Variants in HIF1AN observed in about 807,000 individuals in gnomAD.
The protein encoded by HIF1AN is hypoxia inducible factor 1 subunit alpha inhibitor.
Under a neutral mutation model 47.7 loss-of-function variants are expected in HIF1AN, and 21 were observed. That is an observed-to-expected ratio of 0.44 (90% CI 0.31 to 0.63). The LOEUF is 0.63. HIF1AN is among the 30% of genes least tolerant of loss of function. The probability of loss-of-function intolerance (pLI) is 0.07; values close to 1 mark genes in which losing one functional copy is unlikely to be tolerated. For missense variants in HIF1AN, 320 were observed against 432.7 expected (o/e 0.74, Z 2.31); for synonymous variants, 152 against 155.9 (o/e 0.98, Z 0.18).
At chr10:100,544,251 C>G (rs999985368) in intron 3 of HIF1AN, among the ~76,000 whole-genome samples, 1 of 152,244 alleles carries the variant, frequency 6.6e-6, no homozygotes, top group Non-Finnish European at 1.5e-5. Context: ...ATGAAAATCA[C>G]TTGCACCAGT....
rs764531450 is a variant in HIF1AN, at chr10:100,536,590, C to T, written c.357C>T (p.Asn119=). 2.5e-6 allele frequency: 4 copies of T among 1,614,148 alleles called. No homozygotes were observed. Among genetic ancestry groups the T allele is most frequent in the Non-Finnish European group, 3.4e-6 (4 of 1,180,026 alleles). The part of the protein sequence containing the change: ...ANFQNFKPRS[N]REEMKFHEFV... ...TCCAGAACTTTAAGCCGAGGTCCAA[C>T]AGGGAAGAAATGAAATTTCATGAGT... is the stretch of plus-strand genomic sequence containing the variant. The change falls in exon 2 of 8, where the codon AAC becomes AAT. Residue 119 remains asparagine (N), a synonymous_variant. Transcript: ENST00000299163.
chr10:100,546,160 A>C, intron 5 of HIF1AN, 111 bp downstream of exon 5: 1 of 790,288 alleles, frequency 1.3e-6, no homozygotes, highest in Non-Finnish European at 2.1e-6. Flanking sequence ...TATGTGGTCT[A>C]TAGGAAGGTT....
chr10:100,537,143 CGTG>C (rs1221207999), intron 2 of HIF1AN, among the ~76,000 whole-genome samples: 1 of 152,012 alleles, frequency 6.6e-6, no homozygotes, highest in Admixed American at 6.6e-5. Context: ...GCCTGGGAAA[CGTG>C]GTGAGAGCTA....
chr10:100,540,868 C>A, intron 3 of HIF1AN, 86 bp downstream of exon 3: 2 of 1,219,678 alleles, frequency 1.6e-6, no homozygotes, highest in Non-Finnish European at 1.1e-6. Context: ...AGCTCCATGA[C>A]TTTGAACAAG....
Position 100,546,568 on chromosome 10 carries a change from A to G in HIF1AN, c.881A>G (p.Asn294Ser). 6.2e-7 allele frequency: 1 copy of G among 1,613,376 alleles called. No homozygotes were observed. The highest frequency in any genetic ancestry group is 8.5e-7 in the Non-Finnish European group (1 of 1,179,650). Residue 294 changes from asparagine (N) to serine (S), a missense_variant, in exon 6 of 8, where the codon AAC becomes AGC. By Grantham distance (46) the Asn-to-Ser change is conservative. Transcript: ENST00000299163. ...LLNGGITITVNFWYKGAPTPK... is the reference protein window; with the variant it reads ...LLNGGITITVSFWYKGAPTPK... ...AATGGGGGGATTACCATCACTGTGA[A>G]CTTCTGGTATAAGGTGAATATGGTT... is the stretch of plus-strand genomic sequence containing the variant.
At position 100,536,108 on chromosome 10, in the gene HIF1AN, C is replaced by T. The variant is rs1449454449; in HGVS notation, c.150C>T (p.Pro50=). 1.2e-6 allele frequency: 2 copies of T among 1,606,794 alleles called. No homozygotes were observed. Among genetic ancestry groups the T allele is most frequent in the Non-Finnish European group, 8.5e-7 (1 of 1,176,740 alleles). Residue 50 remains proline (P), a synonymous_variant, in exon 1 of 8, where the codon CCC becomes CCT. Transcript: ENST00000299163. ...TTCCGCGTCTGAGTCAGAGCGACCC[C>T]CGGGCAGAGGAGCTTATTGAGAATG... ...RPIPRLSQSD[P]RAEELIENEE... is the part of the protein sequence containing the mutation.
chr10:100,542,145 TA>T (rs1292633290), intron 3 of HIF1AN, among the ~76,000 whole-genome samples: 1 of 151,258 alleles, frequency 6.6e-6, no homozygotes, highest in African/African-American at 2.4e-5. Context: ...AAAAAAAAGA[TA>T]AAAAACGGTA....
At chr10:100,538,905 C>CTTT (rs371921651) in intron 2 of HIF1AN, among the ~76,000 whole-genome samples, 4 of 112,786 alleles carry the variant, frequency 3.5e-5, no homozygotes, top group Non-Finnish European at 5.6e-5. Context: ...TTGAACCTTT[C>CTTT]TTTTTTTTTT....
intron 3 of HIF1AN, among the ~76,000 whole-genome samples, chr10:100,543,018 T>C (rs1843058434): frequency 6.6e-6 from 1 of 152,068 alleles, no homozygotes; most frequent in Non-Finnish European, 1.5e-5. Context: ...GTGAATAACC[T>C]GGGTTGAACA....
At chr10:100,541,586 C>T (rs548808487) in intron 3 of HIF1AN, among the ~76,000 whole-genome samples, 5 of 151,686 alleles carry the variant, frequency 3.3e-5, no homozygotes, top group African/African-American at 1.2e-4. Context: ...CTGCAACCTC[C>T]GCCTCCCGTG....
At position 100,540,814 on chromosome 10, in the gene HIF1AN, G is replaced by A. The variant is rs377445548; in HGVS notation, c.577+32G>A. ...AATCTTTCAAAAGCAGCATGGCTTGGAGTCATATGAACCTGATTTCTAATC... is the reference window on the plus strand; with the variant it reads ...AATCTTTCAAAAGCAGCATGGCTTGAAGTCATATGAACCTGATTTCTAATC... On this transcript the variant is annotated intron_variant, in intron 3 of 7. Transcript: ENST00000299163. 32 of 1,577,072 alleles carry A rather than the reference G, an allele frequency of 2.0e-5. No homozygotes were observed. In the African/African-American group the frequency reaches 4.0e-4, roughly 20 times the overall value.
intron 2 of HIF1AN, 84 bp downstream of exon 2, chr10:100,536,745 G>A (rs1589750221): frequency 6.7e-7 from 1 of 1,488,266 alleles, no homozygotes; most frequent in South Asian, 1.2e-5. Flanking sequence ...TGGCAGAATT[G>A]GGTCAATTAG....
rs928224601 is a variant in HIF1AN, at chr10:100,536,724, G to T, written c.428+63G>T. The T allele has an allele frequency of 1.2e-5, 19 of 1,574,668 alleles. No individual in the cohort carries two copies. In the South Asian group the frequency reaches 2.0e-4, roughly 16 times the overall value. Reference sequence around the variant, plus strand: ...ACACTCATTTTTCTTTCCTATACTTGTTTGAAGGTGTGGCAGAATTGGGTC... The same window carrying T: ...ACACTCATTTTTCTTTCCTATACTTTTTTGAAGGTGTGGCAGAATTGGGTC... On this transcript the variant is annotated intron_variant, in intron 2 of 7. Coordinates refer to ENST00000299163, the MANE Select transcript of HIF1AN (RefSeq NM_017902.3).
intron 2 of HIF1AN, among the ~76,000 whole-genome samples, chr10:100,536,953 A>T (rs1852231533): frequency 6.6e-6 from 1 of 152,196 alleles, no homozygotes; most frequent in Non-Finnish European, 1.5e-5. Context: ...GTTGCCTAGA[A>T]GGGTCAGGCA....
At position 100,540,702 on chromosome 10, in the gene HIF1AN, A is replaced by G; in HGVS notation, c.497A>G (p.Asn166Ser). Reference sequence around the variant, plus strand: ...ATTGTCATGGACTTCTTAGGTTTTAACTGGAACTGGATTAATAAGCAACAG... The same window carrying G: ...ATTGTCATGGACTTCTTAGGTTTTAGCTGGAACTGGATTAATAAGCAACAG... ...RKIVMDFLGF[N>S]WNWINKQQGK... Residue 166 changes from asparagine to serine, a missense_variant, in exon 3 of 8, where the codon AAC (asparagine) becomes AGC (serine). Transcript: ENST00000299163. 6.2e-7 allele frequency: 1 copy of G among 1,613,916 alleles called. No individual in the cohort carries two copies. The highest frequency in any genetic ancestry group is 8.5e-7 in the Non-Finnish European group (1 of 1,179,904).
rs1843127571 is a variant in HIF1AN, at chr10:100,549,061, CGTGCGTGT to C, written c.*928_*935del. 1 of 136,416 alleles carries C rather than the reference CGTGCGTGT, an allele frequency of 7.3e-6. No individual in the cohort carries two copies. The highest frequency in any genetic ancestry group is 2.6e-5 in the African/African-American group (1 of 37,970). 8.5% of individuals were successfully genotyped at this position (136,416 alleles called of 1,614,324 possible). ...GCCTCTGGGTGTGTGTGTGTGTGTG[CGTGCGTGT>C]GTGTGTGTGTGTCCGTGTGTGTGTG... On this transcript the variant is annotated 3_prime_UTR_variant, in exon 8 of 8. Transcript: ENST00000299163.
rs745645333 is a variant in HIF1AN at position 100,536,063 on chromosome 10, T to C, written c.105T>C (p.Tyr35=). 4.3e-6 allele frequency: 7 copies of C among 1,612,542 alleles called. No individual in the cohort carries two copies. In the Admixed American group the frequency reaches 8.3e-5, roughly 19 times the overall value. Residue 35 remains tyrosine (Y), a synonymous_variant, in exon 1 of 8, where the codon TAT becomes TAC. Transcript: ENST00000299163. ...GGGATGAATCCCAGTTGCGCAGTTA[T>C]AGCTTCCCGACTAGGCCCATTCCGC... ...PAWDESQLRS[Y]SFPTRPIPRL...
chr10:100,545,013 A>AAACG lies in HIF1AN; in HGVS notation c.642_645dup (p.Cys216ThrfsTer23). On this transcript the variant is annotated frameshift_variant, in exon 4 of 8. Coordinates refer to ENST00000299163, the MANE Select transcript of HIF1AN (RefSeq NM_017902.3). LOFTEE classifies it high-confidence loss of function. The stretch of plus-strand genomic sequence containing the variant: ...CTTTTTTGCTCAGATAAAAGGTTAC[A>AAACG]AACGATGCATCTTATTCCCTCCGGA... 1 of 1,614,246 alleles carries AAACG rather than the reference A, an allele frequency of 6.2e-7. No homozygotes were observed. Among genetic ancestry groups the AAACG allele is most frequent in the Non-Finnish European group, 8.5e-7 (1 of 1,180,028 alleles).
intron 2 of HIF1AN, among the ~76,000 whole-genome samples, chr10:100,538,162 A>G (rs1852251289): frequency 6.6e-6 from 1 of 152,224 alleles, no homozygotes; most frequent in Non-Finnish European, 1.5e-5. Flanking sequence ...CATTTTGCAT[A>G]AGAATGAGTG....
Sources: gnomAD v4.1 joint callset for allele counts (sites outside exome capture counted in the v4.1 genomes callset) on GRCh38, gnomAD v4.1.1 for gene constraint, MANE v1.5 for transcripts, NCBI Gene and HGNC (gene_info 2026-07-23, HGNC 2026-07-21) for gene names.